The following MDH2 variants were observed in gnomAD, a reference collection of about 807,000 sequenced individuals.
MDH2 encodes the protein malate dehydrogenase 2, also known as malate dehydrogenase, mitochondrial.
A neutral mutation model predicts 33.6 loss-of-function variants in MDH2; 25 were observed. That is an observed-to-expected ratio of 0.74 (90% CI 0.54 to 1.04). The LOEUF is 1.04. MDH2 is among the 50% of genes least tolerant of loss of function. The probability of loss-of-function intolerance (pLI) is 0.00; values close to 1 mark genes in which losing one functional copy is unlikely to be tolerated. For synonymous variants in MDH2, 193 were observed against 188.7 expected, an observed-to-expected ratio of 1.02 and a Z score of -0.19; for missense variants, 432 against 445.0, an observed-to-expected ratio of 0.97 and a Z score of 0.26.
At chr7:76,051,589 A>G (rs7793822) in intron 1 of MDH2, among the ~76,000 whole-genome samples, 150,154 of 152,272 alleles carry the variant, frequency 0.99, 74,060 homozygotes, top group Middle Eastern at 1. Context: ...CCAAAGTGCT[A>G]GGATTAAACG....
rs3757592 is a variant in MDH2, at chr7:76,060,746, G to A, written c.555+248G>A. Among the ~76,000 whole-genome samples, 118 of 151,882 alleles carry A rather than the reference G, an allele frequency of 7.8e-4. 2 individuals are homozygous for A. The East Asian group carries it at 0.02, about 25-fold the overall frequency. On this transcript the variant is annotated intron_variant, in intron 5 of 8. Transcript: ENST00000315758. Reference sequence around the variant, plus strand: ...CCCGGCTCTCGCTGTCTTCCTTCTCGCCAAGAGCACTGTGGGTTCACACCT... The same window carrying A: ...CCCGGCTCTCGCTGTCTTCCTTCTCACCAAGAGCACTGTGGGTTCACACCT...
rs563401921 is a variant in MDH2 at position 76,048,968 on chromosome 7, A to C, written c.66+742A>C. ...AAACAGACGTCTGGGTTCATTGAAGAAGCTTAAGACTGCGGGGGGGGGGGG... is the reference window on the plus strand; with the variant it reads ...AAACAGACGTCTGGGTTCATTGAAGCAGCTTAAGACTGCGGGGGGGGGGGG... On this transcript the variant is annotated intron_variant, in intron 1 of 8. Coordinates refer to ENST00000315758, the MANE Select transcript of MDH2 (RefSeq NM_005918.4). The C allele has an allele frequency of 2.0e-3, 955 of 489,606 alleles. 2 individuals carry two copies. Among genetic ancestry groups the C allele is most frequent in the Middle Eastern group, 0.012 (12 of 1,010 alleles). 30.3% of individuals were successfully genotyped at this position (489,606 alleles called of 1,614,324 possible).
rs1336789978 is a variant in MDH2, at chr7:76,048,229, A to C, written c.66+3A>C. On this transcript the variant is annotated splice_donor_region_variant and intron_variant, in intron 1 of 8. Transcript: ENST00000315758. ...GCAGCTTCAGCACCTCGGCCCAGGT[A>C]GGCCAGACGAGGGGCGGCCTGCAGG... 6.5e-7 allele frequency: 1 copy of C among 1,533,344 alleles called. No homozygotes were observed. The highest frequency in any genetic ancestry group is 1.4e-5 in the African/African-American group (1 of 72,864). The allele number at this position is 1,533,344 out of a possible 1,614,324, so 95.0% of individuals were successfully genotyped here. A position where few individuals can be genotyped will look rare whatever the true frequency, so the allele number is the denominator to read the frequency against.
At chr7:76,064,548 G>C (rs967806332) in intron 7 of MDH2, 110 bp downstream of exon 7, 1 of 1,053,226 alleles carries the variant, frequency 9.5e-7, no homozygotes, top group Non-Finnish European at 1.4e-6. Flanking sequence ...TTTCAGTGTT[G>C]ATTTGCAGTT....
Position 76,066,600 on chromosome 7 carries a change from G to A in MDH2, c.*190G>A, listed in dbSNP as rs1246928930. 1.9e-5 allele frequency: 12 copies of A among 623,536 alleles called. No individual in the cohort carries two copies. Among genetic ancestry groups the A allele is most frequent in the Non-Finnish European group, 2.9e-5 (12 of 407,028 alleles). 38.6% of individuals were successfully genotyped at this position (623,536 alleles called of 1,614,324 possible). A position where few individuals can be genotyped will look rare whatever the true frequency, so the allele number is the denominator to read the frequency against. On this transcript the variant is annotated 3_prime_UTR_variant, in exon 9 of 9. Coordinates refer to ENST00000315758, the MANE Select transcript of MDH2 (RefSeq NM_005918.4). ...GCCGTCCTTGATTTTATTTTTCAAG[G>A]TCCCTTCTGTAAATGCTGTGCTTTC...
rs1554584530 is a variant in MDH2 at position 76,048,269 on chromosome 7, C to T, written c.66+43C>T. 3.9e-6 allele frequency: 6 copies of T among 1,522,120 alleles called. No individual in the cohort carries two copies. In the African/African-American group the frequency reaches 4.1e-5, roughly 11 times the overall value. The allele number at this position is 1,522,120 out of a possible 1,614,324, so 94.3% of individuals were successfully genotyped here. The stretch of plus-strand genomic sequence containing the variant: ...CGGCCTGCAGGCGGAGGCCCCCCGG[C>T]CCGGGCCACGTGCGTCCCCGGTTCG... On this transcript the variant is annotated intron_variant, in intron 1 of 8. Coordinates refer to ENST00000315758, the MANE Select transcript of MDH2 (RefSeq NM_005918.4).
At chr7:76,054,389 G>A (rs1168106611) in intron 1 of MDH2, 1 of 194,290 alleles carries the variant, frequency 5.1e-6, no homozygotes, top group African/African-American at 2.4e-5. Flanking sequence ...CTGTGACAGT[G>A]TTCTCCCTGC....
chr7:76,061,120 T>C (rs1350706345), intron 5 of MDH2, among the ~76,000 whole-genome samples: 21 of 152,158 alleles, frequency 1.4e-4, no homozygotes, highest in Non-Finnish European at 5.9e-5. Context: ...CTGGAGTCCT[T>C]AGTGCTTTGC....
chr7:76,060,566 G>A (rs879960612), intron 5 of MDH2, 68 bp downstream of exon 5: 20 of 1,585,622 alleles, frequency 1.3e-5, no homozygotes, highest in African/African-American at 5.4e-5. Context: ...GCTCATTTAC[G>A]GGCGTGGAAG....
rs1341354178 is a variant in MDH2 at position 76,048,131 on chromosome 7, C to T, written c.-30C>T. 44 of 1,536,174 alleles carry T rather than the reference C, an allele frequency of 2.9e-5. No homozygotes were observed. Among genetic ancestry groups the T allele is most frequent in the Non-Finnish European group, 3.8e-5 (43 of 1,146,358 alleles). ...ACTTCCCCGTCACCAGCTCCTGTGC[C>T]TGCCAGTCGGTGCCCCTCCCGCTCC... On this transcript the variant is annotated 5_prime_UTR_variant, in exon 1 of 9. Coordinates refer to ENST00000315758, the MANE Select transcript of MDH2 (RefSeq NM_005918.4).
At chr7:76,062,196 C>T (rs1465293) in intron 5 of MDH2, among the ~76,000 whole-genome samples, 1 of 152,342 alleles carries the variant, frequency 6.6e-6, no homozygotes, top group Non-Finnish European at 1.5e-5. Context: ...CATCCTCTCA[C>T]CCACCATATT....
intron 2 of MDH2, 81 bp downstream of exon 2, chr7:76,055,079 G>A (rs1480681993): frequency 6.2e-6 from 9 of 1,449,164 alleles, no homozygotes; most frequent in African/African-American, 2.9e-5. Context: ...ATTCTTAGAT[G>A]AAACTAAATG....
intron 8 of MDH2, among the ~76,000 whole-genome samples, chr7:76,065,617 G>T (rs1798073892): frequency 6.6e-6 from 1 of 152,204 alleles, no homozygotes; most frequent in Admixed American, 6.5e-5. Context: ...GTCGGTGCAG[G>T]TGTATGGAAT....
Position 76,067,446 on chromosome 7 carries a change from A to C in MDH2, c.*1036A>C, listed in dbSNP as rs1309300607. Reference sequence around the variant, plus strand: ...CATCGTTTTCTTCTACAATTAATACATGTTCATTGTATAAAACCCAAAAAG... The same window carrying C: ...CATCGTTTTCTTCTACAATTAATACCTGTTCATTGTATAAAACCCAAAAAG... On this transcript the variant is annotated 3_prime_UTR_variant, in exon 9 of 9. Transcript: ENST00000315758. 1 of 152,220 alleles carries C rather than the reference A, an allele frequency of 6.6e-6. No homozygotes were observed. Among genetic ancestry groups the C allele is most frequent in the Non-Finnish European group, 1.5e-5 (1 of 68,034 alleles). 9.4% of individuals were successfully genotyped at this position (152,220 alleles called of 1,614,324 possible). A position where few individuals can be genotyped will look rare whatever the true frequency, so the allele number is the denominator to read the frequency against.
intron 1 of MDH2, among the ~76,000 whole-genome samples, chr7:76,050,844 A>C (rs1025192337): frequency 1.3e-5 from 2 of 152,182 alleles, no homozygotes; most frequent in African/African-American, 2.4e-5. Context: ...CAAGACTTAT[A>C]GAAGAGAGTG....
chr7:76,058,470 T>C (rs1313934824), intron 4 of MDH2, among the ~76,000 whole-genome samples: 5 of 152,180 alleles, frequency 3.3e-5, no homozygotes, highest in African/African-American at 9.6e-5. Context: ...AAGAGCCCAG[T>C]AGGTGCCTGA....
chr7:76,055,694 A>C (rs1198444617), intron 2 of MDH2, among the ~76,000 whole-genome samples: 1 of 149,792 alleles, frequency 6.7e-6, no homozygotes, highest in Non-Finnish European at 1.5e-5. Context: ...CCCTGATTAC[A>C]CCACTGCACT....
At chr7:76,063,748 C>T (rs1374109709) in intron 6 of MDH2, among the ~76,000 whole-genome samples, 156 bp downstream of exon 6, 1 of 152,200 alleles carries the variant, frequency 6.6e-6, no homozygotes, top group East Asian at 1.9e-4. Context: ...TGCTGCAGGG[C>T]GGTGTCAGTC....
Position 76,057,494 on chromosome 7 carries a change from G to T in MDH2, c.319+1G>T. The T allele has an allele frequency of 6.2e-7, 1 of 1,614,128 alleles. No individual in the cohort carries two copies. Among genetic ancestry groups the T allele is most frequent in the Non-Finnish European group, 8.5e-7 (1 of 1,180,024 alleles). The stretch of plus-strand genomic sequence containing the variant: ...CCGGCTGGAGTCCCCAGAAAGCCAG[G>T]TTTGTGTTTGAAAGCCTTGTCTGGT... On this transcript the variant is annotated splice_donor_variant, in intron 3 of 8. Coordinates refer to ENST00000315758, the MANE Select transcript of MDH2 (RefSeq NM_005918.4). LOFTEE classifies it high-confidence loss of function.
Sources: allele counts gnomAD v4.1 joint callset (sites outside exome capture counted in the v4.1 genomes callset), GRCh38; gene constraint gnomAD v4.1.1; transcripts MANE v1.5; gene names NCBI Gene and HGNC (gene_info 2026-07-23, HGNC 2026-07-21).